The following CAMK2D variants were observed in gnomAD, a reference collection of about 807,000 sequenced individuals.
The protein encoded by CAMK2D is calcium/calmodulin-dependent protein kinase type II subunit delta.
CAMK2D carries 37 observed loss-of-function variants against 84.0 expected under a neutral mutation model. The ratio of observed to expected loss-of-function variants is 0.44; its 90% CI spans 0.34 to 0.58. The LOEUF (loss-of-function observed/expected upper bound fraction) is 0.58, where lower values mean the gene tolerates loss of function less well. CAMK2D is among the 20% of genes least tolerant of loss of function. The pLI is 0.02. For missense variants in CAMK2D, 448 were observed against 652.5 expected (o/e 0.69, Z 3.41); for synonymous variants, 202 against 212.5 (o/e 0.95, Z 0.43).
intron 2 of CAMK2D, among the ~76,000 whole-genome samples, chr4:113,728,149 T>A (rs1229510061): frequency 5.3e-5 from 8 of 152,172 alleles, no homozygotes; most frequent in Non-Finnish European, 7.4e-5. Context: ...ATCCATCAAT[T>A]CTACTCCTAA....
At chr4:113,603,854 G>T (rs1033365939) in intron 4 of CAMK2D, among the ~76,000 whole-genome samples, 1 of 146,546 alleles carries the variant, frequency 6.8e-6, no homozygotes, top group Non-Finnish European at 1.5e-5. Context: ...GAGCACTTGG[G>T]GAGGCTGAGG....
chr4:113,488,605 T>A (rs2097789168), intron 16 of CAMK2D, among the ~76,000 whole-genome samples: 1 of 152,210 alleles, frequency 6.6e-6, no homozygotes. Context: ...TAGAATCTGA[T>A]GGAAGAAATC....
intron 2 of CAMK2D, among the ~76,000 whole-genome samples, chr4:113,749,614 CAT>C (rs2099612657): frequency 6.6e-6 from 1 of 152,026 alleles, no homozygotes; most frequent in Non-Finnish European, 1.5e-5. Flanking sequence ...TAAACTCAAA[CAT>C]GTTAAAATAA....
intron 15 of CAMK2D, 136 bp downstream of exon 15, chr4:113,502,800 T>C: frequency 1.5e-6 from 1 of 663,696 alleles, no homozygotes; most frequent in South Asian, 1.8e-5. Context: ...CTAGATAAAT[T>C]AGGCCCAAAA....
chr4:113,637,466 G>A (rs2099114356), intron 3 of CAMK2D, among the ~76,000 whole-genome samples: 1 of 152,220 alleles, frequency 6.6e-6, no homozygotes, highest in African/African-American at 2.4e-5. Flanking sequence ...CTAAGAGGGA[G>A]TTAAAGTCCC....
chr4:113,725,525 G>A (rs2099543327), intron 2 of CAMK2D, among the ~76,000 whole-genome samples: 1 of 152,032 alleles, frequency 6.6e-6, no homozygotes, highest in Non-Finnish European at 1.5e-5. Context: ...AGCCACTAAT[G>A]TAAGGTAAAC....
chr4:113,499,074 C>T (rs1469923157), intron 16 of CAMK2D, among the ~76,000 whole-genome samples: 3 of 152,052 alleles, frequency 2.0e-5, no homozygotes, highest in Non-Finnish European at 4.4e-5. Flanking sequence ...TTTAGCTTAG[C>T]TTAAAGAGCT....
At chr4:113,508,716 CACAG>C (rs2098166312) in intron 13 of CAMK2D, among the ~76,000 whole-genome samples, 1 of 152,130 alleles carries the variant, frequency 6.6e-6, no homozygotes, top group Non-Finnish European at 1.5e-5. Context: ...CCAAGTTGCA[CACAG>C]ACAGGTGGTA....
chr4:113,454,665 G>C (rs2154098666), intron 20 of CAMK2D, 150 bp from the exon 21 acceptor site: 1 of 538,904 alleles, frequency 1.9e-6, no homozygotes, highest in Non-Finnish European at 3.4e-6. Context: ...GTTTGCTTGT[G>C]ATCATTACAA....
At chr4:113,640,797 A>C (rs924103039) in intron 3 of CAMK2D, among the ~76,000 whole-genome samples, 1 of 152,258 alleles carries the variant, frequency 6.6e-6, no homozygotes, top group African/African-American at 2.4e-5. Context: ...AATGAGGGGA[A>C]AATTACTTAC....
rs10003655 is a variant in CAMK2D, at chr4:113,751,499, C to A, written c.160+7821G>T. Among the ~76,000 whole-genome samples the A allele has an allele frequency of 4.6e-5, 7 of 152,016 alleles. 1 individual carries two copies. The highest frequency in any genetic ancestry group is 4.6e-4 in the Admixed American group (7 of 15,258). On this transcript the variant is annotated intron_variant, in intron 2 of 20. Coordinates refer to ENST00000511664, the MANE Select transcript of CAMK2D (RefSeq NM_001321571.2). ...TCATTAATAAAATTTTGGCCAGGTG[C>A]GGCGGCTAACACCTGTAATCCCAGC...
chr4:113,591,645 T>G (rs1300755642), intron 4 of CAMK2D, among the ~76,000 whole-genome samples: 1 of 152,184 alleles, frequency 6.6e-6, no homozygotes, highest in Non-Finnish European at 1.5e-5. Context: ...GCTTTGGAAA[T>G]TGCTCCCAGC....
intron 4 of CAMK2D, among the ~76,000 whole-genome samples, chr4:113,576,192 C>T (rs975469508): frequency 7.9e-5 from 12 of 152,060 alleles, no homozygotes; most frequent in African/African-American, 1.9e-4. Flanking sequence ...TGAGCTGCCA[C>T]GCCTGGCCCC....
In CAMK2D at chr4:113,455,650, A is replaced by G. The variant is rs548984784; in HGVS notation, c.*29+76T>C. ...ATATTATGCAATAAAAAATATCCTC[A>G]AAAGGAAGGAAAACAGCCATGCAGC... On this transcript the variant is annotated intron_variant, in intron 20 of 20. Transcript: ENST00000511664. 4.9e-4 allele frequency: 390 copies of G among 804,062 alleles called. 1 individual carries two copies. The highest frequency in any genetic ancestry group is 9.5e-4 in the Middle Eastern group (4 of 4,216). 49.8% of individuals were successfully genotyped at this position (804,062 alleles called of 1,614,324 possible).
intron 2 of CAMK2D, among the ~76,000 whole-genome samples, chr4:113,673,234 T>C (rs1179032750): frequency 6.6e-6 from 1 of 152,212 alleles, no homozygotes; most frequent in Non-Finnish European, 1.5e-5. Flanking sequence ...CTCCTGGAGT[T>C]AGAGAAAAAT....
intron 3 of CAMK2D, among the ~76,000 whole-genome samples, chr4:113,655,215 G>T (rs1480391439): frequency 1.3e-5 from 2 of 152,058 alleles, no homozygotes; most frequent in Non-Finnish European, 2.9e-5. Flanking sequence ...TCACAGAGCA[G>T]GCCAGCATCA....
Position 113,761,501 on chromosome 4 carries a change from G to C in CAMK2D, c.-433C>G. On this transcript the variant is annotated 5_prime_UTR_variant, in exon 1 of 21. Coordinates refer to ENST00000511664, the MANE Select transcript of CAMK2D (RefSeq NM_001321571.2). ...TAGAAGCAGAGGGGAGGGAGTCCGA[G>C]GGGGCGGAGGTGGAGTGCAGCGGGG... 1.9e-6 allele frequency: 2 copies of C among 1,043,634 alleles called. No individual in the cohort carries two copies. The highest frequency in any genetic ancestry group is 2.3e-6 in the Non-Finnish European group (2 of 864,362). The allele number at this position is 1,043,634 out of a possible 1,614,324, so 64.6% of individuals were successfully genotyped here. A position where few individuals can be genotyped will look rare whatever the true frequency, so the allele number is the denominator to read the frequency against.
At chr4:113,603,847 C>T (rs1462362321) in intron 4 of CAMK2D, among the ~76,000 whole-genome samples, 6 of 144,164 alleles carry the variant, frequency 4.2e-5, no homozygotes, top group Non-Finnish European at 9.0e-5. Flanking sequence ...CACACCTGAG[C>T]ACTTGGGGAG....
At chr4:113,511,484 T>A (rs189998164) in intron 12 of CAMK2D, among the ~76,000 whole-genome samples, 2 of 152,306 alleles carry the variant, frequency 1.3e-5, no homozygotes, top group Admixed American at 1.3e-4. Flanking sequence ...TATTTAACAC[T>A]TCTTTAACAA....
Sources: gnomAD v4.1 joint callset for allele counts (sites outside exome capture counted in the v4.1 genomes callset) on GRCh38, gnomAD v4.1.1 for gene constraint, MANE v1.5 for transcripts, NCBI Gene and HGNC (gene_info 2026-07-23, HGNC 2026-07-21) for gene names.